The following TTC7A variants were observed in gnomAD, a reference collection of about 807,000 sequenced individuals.
The protein encoded by TTC7A is tetratricopeptide repeat protein 7A.
In TTC7A, 110 loss-of-function variants were observed where a neutral mutation model predicts 103.7. The observed-to-expected ratio is 1.06, with a 90% CI of 0.91 to 1.24. The LOEUF is 1.24. Ranked by LOEUF, TTC7A falls within the 50% of genes most tolerant of loss-of-function variation. The pLI is 0.00. For synonymous variants in TTC7A, 521 were observed against 467.9 expected, an observed-to-expected ratio of 1.11 and a Z score of -1.47; for missense variants, 1,340 against 1,116.3, an observed-to-expected ratio of 1.20 and a Z score of -2.86.
intron 6 of TTC7A, 147 bp downstream of exon 6, chr2:46,993,675 C>T (rs1351929458): frequency 5.5e-6 from 4 of 722,598 alleles, no homozygotes; most frequent in Non-Finnish European, 9.8e-6. Flanking sequence ...ATCTCAGCAT[C>T]CTTTCCCACG....
At chr2:46,994,560 C>A (rs781673758) in intron 7 of TTC7A, 46 bp downstream of exon 7, 1 of 1,597,392 alleles carries the variant, frequency 6.3e-7, no homozygotes, top group Non-Finnish European at 8.6e-7. Context: ...TCACATCTCA[C>A]GCAGGGTTCT....
intron 2 of TTC7A, among the ~76,000 whole-genome samples, chr2:46,924,401 C>T (rs1669279911): frequency 6.6e-6 from 1 of 152,000 alleles, no homozygotes; most frequent in South Asian, 2.1e-4. Flanking sequence ...GAGCTTAGCT[C>T]TCCAATTAAC....
intron 19 of TTC7A, among the ~76,000 whole-genome samples, chr2:47,073,071 C>T (rs1037932673): frequency 2.0e-5 from 3 of 152,202 alleles, no homozygotes; most frequent in Admixed American, 1.3e-4. Context: ...CCCCATCCCC[C>T]GCCATCTGAC....
At chr2:47,017,219 A>G (rs1176114293) in intron 11 of TTC7A, among the ~76,000 whole-genome samples, 1 of 146,396 alleles carries the variant, frequency 6.8e-6, no homozygotes, top group African/African-American at 2.5e-5. Flanking sequence ...AAAAAAAAAA[A>G]AAAAAAAAAT....
At chr2:46,940,299 C>A (rs1394732734), upstream of TTC7A, among the ~76,000 whole-genome samples, 1 of 152,214 alleles carries the variant, frequency 6.6e-6, no homozygotes. The surrounding 1 kb of genome is among the most constrained non-coding windows in gnomAD (Gnocchi z 4.7). Flanking sequence ...TTTGAGTCTT[C>A]AGTCTGGACC....
chr2:47,047,236 C>G (rs1447927918), intron 16 of TTC7A: 1 of 1,422,204 alleles, frequency 7.0e-7, no homozygotes, highest in South Asian at 1.2e-5. Context: ...TCAGGGGACC[C>G]CAGTCTGGTG....
chr2:47,004,836 A>G lies in TTC7A; in HGVS notation c.1066-1086A>G, dbSNP rs1039754611. 3.9e-5 allele frequency among the ~76,000 whole-genome samples: 6 copies of G among 151,944 alleles called. No individual in the cohort carries two copies. The South Asian group carries it at 1.2e-3, about 32-fold the overall frequency. ...GCCCTGTGGCTGCTTGGAGGCCCCC[A>G]TGACTCCTGCAGCTGAGGAGCTTCT... On this transcript the variant is annotated intron_variant, in intron 8 of 19. Coordinates refer to ENST00000319190, the MANE Select transcript of TTC7A (RefSeq NM_020458.4).
intron 2 of TTC7A, among the ~76,000 whole-genome samples, chr2:46,930,560 C>T (rs1287007881): frequency 1.3e-5 from 2 of 148,170 alleles, no homozygotes; most frequent in Non-Finnish European, 3.0e-5. Context: ...AATGCAGTGG[C>T]GCGATCTTGG....
At position 47,023,411 on chromosome 2, in the gene TTC7A, C is replaced by A; in HGVS notation, c.1514C>A (p.Thr505Asn). The A allele has an allele frequency of 1.9e-6, 3 of 1,614,026 alleles. No homozygotes were observed. The highest frequency in any genetic ancestry group is 2.5e-6 in the Non-Finnish European group (3 of 1,179,992). ...LTYSLQATDA[T>N]LKSKQDELHR... ...GTTTCTGTCCTGTCCCCTGCAGCCA[C>A]CCTGAAGTCCAAGCAAGATGAATTG... Residue 505 changes from threonine (T) to asparagine (N), a missense_variant, in exon 13 of 20, where the codon ACC (threonine) becomes AAC (asparagine). Coordinates refer to ENST00000319190, the MANE Select transcript of TTC7A (RefSeq NM_020458.4).
intron 8 of TTC7A, 30 bp downstream of exon 8, chr2:46,995,229 C>A (rs1355823296): frequency 1.9e-6 from 3 of 1,611,128 alleles, no homozygotes; most frequent in Non-Finnish European, 2.5e-6. Flanking sequence ...TCAGGGGCCT[C>A]TGGCCCTCTG....
At chr2:47,010,257 A>T (rs1383368158) in intron 10 of TTC7A, among the ~76,000 whole-genome samples, 1 of 151,984 alleles carries the variant, frequency 6.6e-6, no homozygotes, top group Non-Finnish European at 1.5e-5. Context: ...CAACTATTCC[A>T]CTCTGCTACT....
intron 5 of TTC7A, among the ~76,000 whole-genome samples, chr2:46,991,873 A>G (rs1006150358): frequency 6.6e-6 from 1 of 152,046 alleles, no homozygotes; most frequent in Non-Finnish European, 1.5e-5. Flanking sequence ...CGTAACTCTG[A>G]TCCTACCCCA....
At chr2:46,997,876 C>G (rs527717982) in intron 8 of TTC7A, among the ~76,000 whole-genome samples, 2 of 152,204 alleles carry the variant, frequency 1.3e-5, no homozygotes, top group Admixed American at 6.5e-5. Context: ...AGTTCAGATG[C>G]CTTTCAGTTA....
At chr2:46,942,035 CCCCCACCGCGGTCCGAGGGTGGGGTGT>C (rs1327472667) in intron 1 of TTC7A, among the ~76,000 whole-genome samples, 1 of 152,160 alleles carries the variant, frequency 6.6e-6, no homozygotes, top group Non-Finnish European at 1.5e-5. Context: ...TGGACTCTGC[CCCCCACCGCGGTCCGAGGGTGGGGTGT>C]CCCTAAACTC....
At position 47,074,325 on chromosome 2, in the gene TTC7A, G is replaced by A. The variant is rs1480557256; in HGVS notation, c.*402G>A. On this transcript the variant is annotated 3_prime_UTR_variant, in exon 20 of 20. Transcript: ENST00000319190. The stretch of plus-strand genomic sequence containing the variant: ...ATCTCTCTCAGGTCTTGCCCAGGGC[G>A]GTCACAATGTGAAGAAACTGCGGGC... The A allele has an allele frequency of 2.2e-5, 4 of 178,376 alleles. No homozygotes were observed. Among genetic ancestry groups the A allele is most frequent in the Non-Finnish European group, 4.7e-5 (4 of 85,056 alleles). The allele number at this position is 178,376 out of a possible 1,614,324, so 11.0% of individuals were successfully genotyped here. A position where few individuals can be genotyped will look rare whatever the true frequency, so the allele number is the denominator to read the frequency against.
At chr2:46,949,914 A>G (rs886295489) in intron 1 of TTC7A, among the ~76,000 whole-genome samples, 2 of 152,158 alleles carry the variant, frequency 1.3e-5, no homozygotes, top group African/African-American at 4.8e-5. Context: ...AAATGGGGAA[A>G]ACCAATTATG....
chr2:47,044,121 C>T (rs983164311), intron 15 of TTC7A, among the ~76,000 whole-genome samples: 5 of 152,154 alleles, frequency 3.3e-5, no homozygotes, highest in African/African-American at 1.2e-4. Context: ...CCTGCTGCTT[C>T]AACCAGCTGC....
chr2:47,056,618 G>A (rs1297465246), intron 18 of TTC7A, among the ~76,000 whole-genome samples: 1 of 152,230 alleles, frequency 6.6e-6, no homozygotes, highest in Non-Finnish European at 1.5e-5. Context: ...TGCAGGGTTA[G>A]ACCAGGATGC....
intron 3 of TTC7A, among the ~76,000 whole-genome samples, chr2:46,967,182 C>A (rs2104139029): frequency 6.6e-6 from 1 of 152,068 alleles, no homozygotes; most frequent in Non-Finnish European, 1.5e-5. Flanking sequence ...CACTGCACTC[C>A]AGCCTGGGTG....
Sources: allele counts gnomAD v4.1 joint callset (sites outside exome capture counted in the v4.1 genomes callset), GRCh38; gene constraint gnomAD v4.1.1; non-coding constraint Gnocchi (gnomAD v3.1); transcripts MANE v1.5; gene names NCBI Gene and HGNC (gene_info 2026-07-23, HGNC 2026-07-21).